The following JAKMIP3 variants were observed in gnomAD, a reference collection of about 807,000 sequenced individuals.
JAKMIP3 encodes janus kinase and microtubule-interacting protein 3.
Under a neutral mutation model 118.5 loss-of-function variants are expected in JAKMIP3, and 58 were observed. That is an observed-to-expected ratio of 0.49 (90% CI 0.40 to 0.61). The LOEUF (loss-of-function observed/expected upper bound fraction) is 0.61. Among genes scored for constraint, JAKMIP3 ranks in the 20% least tolerant of loss-of-function variants. JAKMIP3 has a pLI of 0.00. For missense variants in JAKMIP3, 950 were observed against 1,109.0 expected, an observed-to-expected ratio of 0.86 and a Z score of 2.04; for synonymous variants, 486 against 451.2, an observed-to-expected ratio of 1.08 and a Z score of -0.98.
At chr10:132,145,232 G>A (rs919507716) in intron 12 of JAKMIP3, 42 bp downstream of exon 12, 1 of 1,465,850 alleles carries the variant, frequency 6.8e-7, no homozygotes, top group Non-Finnish European at 9.4e-7. Context: ...GGCACACGTG[G>A]GTGGGAGGTA....
intron 6 of JAKMIP3, among the ~76,000 whole-genome samples, chr10:132,136,548 G>C (rs1197603533): frequency 6.6e-6 from 1 of 152,214 alleles, no homozygotes; most frequent in Non-Finnish European, 1.5e-5. Flanking sequence ...CCTGCCCTGA[G>C]GACCCCAAAG....
At chr10:132,124,835 G>A (rs2049207713) in intron 3 of JAKMIP3, among the ~76,000 whole-genome samples, 1 of 152,238 alleles carries the variant, frequency 6.6e-6, no homozygotes, top group South Asian at 2.1e-4. Flanking sequence ...TCGGCTGGTG[G>A]GCAGAGCCCC....
At chr10:132,143,479 G>A (rs185260998) in intron 11 of JAKMIP3, among the ~76,000 whole-genome samples, 2 of 152,272 alleles carry the variant, frequency 1.3e-5, no homozygotes, top group East Asian at 1.9e-4. Context: ...ACATTTGCTC[G>A]GGGGCCACAT....
At chr10:132,099,438 C>T (rs572213661) in intron 1 of JAKMIP3, among the ~76,000 whole-genome samples, 1 of 152,144 alleles carries the variant, frequency 6.6e-6, no homozygotes, top group Non-Finnish European at 1.5e-5. Context: ...AAAAGATAGG[C>T]AATCTGCACT....
At chr10:132,138,810 C>A (rs1406387878) in intron 9 of JAKMIP3, among the ~76,000 whole-genome samples, 1 of 152,208 alleles carries the variant, frequency 6.6e-6, no homozygotes, top group East Asian at 1.9e-4. Flanking sequence ...ACTCACCCAT[C>A]CTGGCTGTGC....
chr10:132,097,020 A>G (rs547558487), intron 1 of JAKMIP3, among the ~76,000 whole-genome samples: 1 of 152,250 alleles, frequency 6.6e-6, no homozygotes, highest in Non-Finnish European at 1.5e-5. Context: ...CAAGGCACAC[A>G]GGAGAGACGC....
At chr10:132,138,282 G>GCCCTCCACGTACA in intron 9 of JAKMIP3, 104 bp downstream of exon 9, 2 of 1,035,596 alleles carry the variant, frequency 1.9e-6, no homozygotes, top group Non-Finnish European at 2.9e-6. Context: ...AGAGGGGTGC[G>GCCCTCCACGTACA]CCGGTGTACG....
intron 5 of JAKMIP3, 73 bp downstream of exon 5, chr10:132,135,233 T>C: frequency 6.8e-7 from 1 of 1,470,194 alleles, no homozygotes; most frequent in Non-Finnish European, 9.2e-7. Flanking sequence ...GGGCATCCAC[T>C]TTCAAAATTC....
upstream of JAKMIP3, among the ~76,000 whole-genome samples, chr10:132,065,095 A>AGACAGGG (rs2038609673): frequency 6.6e-6 from 1 of 152,060 alleles, no homozygotes; most frequent in Non-Finnish European, 1.5e-5. The surrounding 1 kb of genome is among the most constrained non-coding windows in gnomAD (Gnocchi z 5.6). Context: ...TGGTGGCCGG[A>AGACAGGG]GACAGGGCAG....
chr10:132,093,459 C>T (rs1045320005), intron 1 of JAKMIP3, among the ~76,000 whole-genome samples: 7 of 152,232 alleles, frequency 4.6e-5, no homozygotes, highest in African/African-American at 9.6e-5. Flanking sequence ...CCACCAGCCT[C>T]GCTGCCACCT....
chr10:132,113,818 C>A lies in JAKMIP3; in HGVS notation c.136-3259C>A, dbSNP rs1440326699. On this transcript the variant is annotated intron_variant, in intron 2 of 23. Transcript: ENST00000684848. ...GACTGTGGATGTGAGATGGACCTGG[C>A]ACCATTCACGTAAAAAAGGCTTTAC... Among the ~76,000 whole-genome samples the A allele has an allele frequency of 3.9e-5, 6 of 152,340 alleles. No individual in the cohort carries two copies. In the East Asian group the frequency reaches 5.8e-4, roughly 15 times the overall value.
At chr10:132,037,847 C>G (rs1589993752) in intron 1 of JAKMIP3, among the ~76,000 whole-genome samples, 1 of 152,028 alleles carries the variant, frequency 6.6e-6, no homozygotes, top group Non-Finnish European at 1.5e-5. Context: ...TCCCCCTACC[C>G]CTGCCCCGGG....
intron 1 of JAKMIP3, among the ~76,000 whole-genome samples, chr10:132,066,664 T>C (rs772898964): frequency 2.0e-5 from 3 of 152,222 alleles, no homozygotes; most frequent in East Asian, 1.9e-4. Flanking sequence ...ACATCACTCA[T>C]TGATATAACT....
chr10:132,162,256 G>A (rs1197664198), intron 19 of JAKMIP3, among the ~76,000 whole-genome samples: 1 of 152,218 alleles, frequency 6.6e-6, no homozygotes, highest in Non-Finnish European at 1.5e-5. Flanking sequence ...GGTCTGTGTG[G>A]CTGCCGAAGG....
At chr10:132,084,813 C>G (rs1386772843) in intron 1 of JAKMIP3, among the ~76,000 whole-genome samples, 1 of 152,162 alleles carries the variant, frequency 6.6e-6, no homozygotes, top group Non-Finnish European at 1.5e-5. Flanking sequence ...AATGCTTTTT[C>G]TGCATCTATT....
At chr10:132,056,729 G>T (rs1289877722) in intron 1 of JAKMIP3, among the ~76,000 whole-genome samples, 1 of 152,192 alleles carries the variant, frequency 6.6e-6, no homozygotes, top group African/African-American at 2.4e-5. Context: ...GGAGCCAAGT[G>T]GTCCCCACCT....
chr10:132,180,582 T>TGTGTGCGCGC (rs1158301996), intron 23 of JAKMIP3, among the ~76,000 whole-genome samples: 1 of 21,292 alleles, frequency 4.7e-5, no homozygotes, highest in Admixed American at 7.3e-4. Flanking sequence ...TGTGTGTGCG[T>TGTGTGCGCGC]GCGCGTGTGT....
intron 13 of JAKMIP3, 118 bp from the exon 14 acceptor site, chr10:132,147,834 C>T: frequency 1.5e-6 from 1 of 685,822 alleles, no homozygotes; most frequent in East Asian, 2.8e-5. Context: ...GGGCTGGGTA[C>T]CAGGCCAGCC....
intron 23 of JAKMIP3, among the ~76,000 whole-genome samples, chr10:132,175,919 AGAT>A (rs2060099256): frequency 6.6e-6 from 1 of 152,262 alleles, no homozygotes; most frequent in South Asian, 2.1e-4. Flanking sequence ...GAGAAATAAA[AGAT>A]GAGGTGTTTA....
Sources: gnomAD v4.1 joint callset for allele counts (sites outside exome capture counted in the v4.1 genomes callset) on GRCh38, gnomAD v4.1.1 for gene constraint, Gnocchi (gnomAD v3.1) non-coding constraint, MANE v1.5 for transcripts, NCBI Gene and HGNC (gene_info 2026-07-23, HGNC 2026-07-21) for gene names.